Variants in OR2B11 observed in about 807,000 individuals in gnomAD.
OR2B11 encodes the protein olfactory receptor 2B11.
For missense variants in OR2B11, 422 were observed against 400.0 expected, an observed-to-expected ratio of 1.05 and a Z score of -0.47; for synonymous variants, 198 against 174.5, an observed-to-expected ratio of 1.13 and a Z score of -1.06.
rs1170023757 is a variant in OR2B11, at chr1:247,450,454, G to A, written c.*575C>T. The A allele has an allele frequency of 1.3e-5, 2 of 152,148 alleles. No homozygotes were observed. Among genetic ancestry groups the A allele is most frequent in the South Asian group, 2.1e-4 (1 of 4,834 alleles). 9.4% of individuals were successfully genotyped at this position (152,148 alleles called of 1,614,324 possible). ...TTAAGGATCCACAATGTTTTCCATC[G>A]TGGTTGTACTAGTGTTTGTACTAGT... On this transcript the variant is annotated 3_prime_UTR_variant, in exon 2 of 2. Coordinates refer to ENST00000641149, the MANE Select transcript of OR2B11 (RefSeq NM_001004492.2).
chr1:247,457,229 T>C (rs1279002180), intron 1 of OR2B11, among the ~76,000 whole-genome samples: 1 of 152,124 alleles, frequency 6.6e-6, no homozygotes, highest in Non-Finnish European at 1.5e-5. Flanking sequence ...CGGGGACTGA[T>C]ACGATTCAGC....
At position 247,451,940 on chromosome 1, in the gene OR2B11, C is replaced by T. The variant is rs1664858189; in HGVS notation, c.43G>A (p.Ala15Thr). The T allele has an allele frequency of 1.3e-6, 2 of 1,595,864 alleles. No individual in the cohort carries two copies. Among genetic ancestry groups the T allele is most frequent in the African/African-American group, 2.8e-5 (2 of 71,768 alleles). Reference protein sequence around the residue: ...NHSFLGDSPKAFILLGVSDRP... With the variant: ...NHSFLGDSPKTFILLGVSDRP... ...TCAGACACACCCAGAAGGATGAAGG[C>T]TTTAGGGGAGTCCCCTAAGAAGCTA... is the stretch of plus-strand genomic sequence containing the variant. The change falls in exon 2 of 2, where the codon GCC becomes ACC. Residue 15 changes from alanine to threonine, a missense_variant. Ala to Thr is a moderately conservative substitution (Grantham distance 58, BLOSUM62 0). Transcript: ENST00000641149.
At position 247,452,131 on chromosome 1, in the gene OR2B11, CGCTG is replaced by C; in HGVS notation, c.-153_-150del. ...TTGATTCTCCTTACCTCTGTGGAGA[CGCTG>C]GGATGCGGAAGGGTCAGAACCAGGA... On this transcript the variant is annotated 5_prime_UTR_variant, in exon 2 of 2. Coordinates refer to ENST00000641149, the MANE Select transcript of OR2B11 (RefSeq NM_001004492.2). The C allele has an allele frequency of 3.3e-6, 2 of 613,772 alleles. No individual in the cohort carries two copies. Among genetic ancestry groups the C allele is most frequent in the East Asian group, 5.5e-5 (2 of 36,176 alleles). The allele number at this position is 613,772 out of a possible 1,614,324, so 38.0% of individuals were successfully genotyped here. A position where few individuals can be genotyped will look rare whatever the true frequency, so the allele number is the denominator to read the frequency against.
At chr1:247,456,679 T>C (rs1221257568) in intron 1 of OR2B11, among the ~76,000 whole-genome samples, 1 of 151,872 alleles carries the variant, frequency 6.6e-6, no homozygotes, top group Non-Finnish European at 1.5e-5. Context: ...GTTACACAGG[T>C]ATACACGTGC....
In OR2B11 at chr1:247,452,176, TC is replaced by T. The variant is rs1664863947; in HGVS notation, c.-195del. The stretch of plus-strand genomic sequence containing the variant: ...AGAACCAGGAGCCCCAGTAGCAGCC[TC>T]TGTGTCTTTGCTCTCCTTCCTACTC... On this transcript the variant is annotated 5_prime_UTR_variant, in exon 2 of 2. Coordinates refer to ENST00000641149, the MANE Select transcript of OR2B11 (RefSeq NM_001004492.2). The T allele has an allele frequency of 1.7e-6, 1 of 574,414 alleles. No individual in the cohort carries two copies. Among genetic ancestry groups the T allele is most frequent in the East Asian group, 2.8e-5 (1 of 35,126 alleles). The allele number at this position is 574,414 out of a possible 1,614,324, so 35.6% of individuals were successfully genotyped here.
rs1218839563 is a variant in OR2B11, at chr1:247,449,714, CT to C, written c.*1314del. On this transcript the variant is annotated 3_prime_UTR_variant, in exon 2 of 2. Transcript: ENST00000641149. ...AGGGAAACAGTATGAGATTTACATT[CT>C]GTTGCAAACTCTGTCTTGTTAGCAC... The C allele has an allele frequency of 6.6e-6, 1 of 152,034 alleles. No individual in the cohort carries two copies. The allele number at this position is 152,034 out of a possible 1,614,324, so 9.4% of individuals were successfully genotyped here. A position where few individuals can be genotyped will look rare whatever the true frequency, so the allele number is the denominator to read the frequency against.
At chr1:247,455,718 A>G (rs544449646) in intron 1 of OR2B11, among the ~76,000 whole-genome samples, 1 of 152,228 alleles carries the variant, frequency 6.6e-6, no homozygotes, top group Admixed American at 6.5e-5. Context: ...CTGTGCATGC[A>G]CAGTCCTTTC....
In OR2B11 at chr1:247,455,080, T is replaced by C. The variant is rs1440908404; in HGVS notation, c.-3082-16A>G. ...ATATCATTCCCTGTAGGATATATAA[T>C]CCTTATGATTAATATTTATATCTCT... On this transcript the variant is annotated splice_polypyrimidine_tract_variant and intron_variant, in intron 1 of 1. Transcript: ENST00000641149. 6.6e-6 allele frequency: 1 copy of C among 152,286 alleles called. No individual in the cohort carries two copies. The highest frequency in any genetic ancestry group is 6.5e-5 in the Admixed American group (1 of 15,296). The allele number at this position is 152,286 out of a possible 1,614,324, so 9.4% of individuals were successfully genotyped here. A position where few individuals can be genotyped will look rare whatever the true frequency, so the allele number is the denominator to read the frequency against.
chr1:247,456,836 A>G (rs987038599), intron 1 of OR2B11, among the ~76,000 whole-genome samples: 2 of 152,146 alleles, frequency 1.3e-5, no homozygotes, highest in Non-Finnish European at 2.9e-5. Context: ...TTCAAGTCCC[A>G]CTAATGAGAA....
rs1664828365 is a variant in OR2B11, at chr1:247,450,978, G to A, written c.*51C>T. On this transcript the variant is annotated 3_prime_UTR_variant, in exon 2 of 2. Coordinates refer to ENST00000641149, the MANE Select transcript of OR2B11 (RefSeq NM_001004492.2). The stretch of plus-strand genomic sequence containing the variant: ...TGAAAGATGCTCTGAGTGCACAATA[G>A]ACTTGTGCTGTGTTCTTTAATTGAT... 1.8e-6 allele frequency: 2 copies of A among 1,121,800 alleles called. No homozygotes were observed. The highest frequency in any genetic ancestry group is 2.0e-5 in the South Asian group (1 of 48,872). The allele number at this position is 1,121,800 out of a possible 1,614,324, so 69.5% of individuals were successfully genotyped here.
Position 247,449,507 on chromosome 1 carries a change from G to A in OR2B11, c.*1522C>T. On this transcript the variant is annotated 3_prime_UTR_variant, in exon 2 of 2. Coordinates refer to ENST00000641149, the MANE Select transcript of OR2B11 (RefSeq NM_001004492.2). The stretch of plus-strand genomic sequence containing the variant: ...CTCTTAAACCGCATGGAATTGCTCA[G>A]GATGGAAATACTATTTCCTCTGTAC... 1 of 152,180 alleles carries A rather than the reference G, an allele frequency of 6.6e-6. No homozygotes were observed. Among genetic ancestry groups the A allele is most frequent in the East Asian group, 1.9e-4 (1 of 5,204 alleles). 9.4% of individuals were successfully genotyped at this position (152,180 alleles called of 1,614,324 possible). A position where few individuals can be genotyped will look rare whatever the true frequency, so the allele number is the denominator to read the frequency against.
chr1:247,450,875 G>A lies in OR2B11; in HGVS notation c.*154C>T, dbSNP rs1215591401. On this transcript the variant is annotated 3_prime_UTR_variant, in exon 2 of 2. Coordinates refer to ENST00000641149, the MANE Select transcript of OR2B11 (RefSeq NM_001004492.2). ...CGTTTAAAATGAACTTTGTCGCTAT[G>A]GGATTTGGGGCATTATAACAGGAAG... The A allele has an allele frequency of 8.4e-6, 4 of 474,208 alleles. No individual in the cohort carries two copies. In the Admixed American group the frequency reaches 1.2e-4, roughly 14 times the overall value. 29.4% of individuals were successfully genotyped at this position (474,208 alleles called of 1,614,324 possible). A position where few individuals can be genotyped will look rare whatever the true frequency, so the allele number is the denominator to read the frequency against.
At position 247,453,050 on chromosome 1, in the gene OR2B11, T is replaced by C. The variant is rs184936422; in HGVS notation, c.-1068A>G. On this transcript the variant is annotated 5_prime_UTR_variant, in exon 2 of 2. Coordinates refer to ENST00000641149, the MANE Select transcript of OR2B11 (RefSeq NM_001004492.2). ...TCACCTCCTACAATCGCTCAAGCAT[T>C]GCACACCTTCCAGTTCCTGATGGGG... 1 of 152,362 alleles carries C rather than the reference T, an allele frequency of 6.6e-6. No homozygotes were observed. Among genetic ancestry groups the C allele is most frequent in the East Asian group, 1.9e-4 (1 of 5,186 alleles). 9.4% of individuals were successfully genotyped at this position (152,362 alleles called of 1,614,324 possible). A position where few individuals can be genotyped will look rare whatever the true frequency, so the allele number is the denominator to read the frequency against.
rs374651468 is a variant in OR2B11 at position 247,451,326 on chromosome 1, A to C, written c.657T>G (p.Leu219=). Residue 219 remains leucine, a synonymous_variant, in exon 2 of 2, where the codon CTT becomes CTG. Coordinates refer to ENST00000641149, the MANE Select transcript of OR2B11 (RefSeq NM_001004492.2). ...FFVLVPLALI[L]LSYGFIARAV... ...CCCGGGCAATAAAGCCATAGGAGAG[A>C]AGGATGAGAGCCAGGGGCACCAACA... The C allele has an allele frequency of 3.1e-6, 5 of 1,614,098 alleles. No individual in the cohort carries two copies. Among genetic ancestry groups the C allele is most frequent in the Non-Finnish European group, 4.2e-6 (5 of 1,180,024 alleles).
At position 247,451,611 on chromosome 1, in the gene OR2B11, C is replaced by T. The variant is rs777093363; in HGVS notation, c.372G>A (p.Leu124=). Residue 124 remains leucine, a synonymous_variant, in exon 2 of 2, where the codon CTG becomes CTA. Transcript: ENST00000641149. The stretch of plus-strand genomic sequence containing the variant: ...GCTTGCAGATGGCCACGTAGCGGTC[C>T]AGGGCCATGGCGGCCAGGACGATGC... The part of the protein sequence containing the change: ...TECIVLAAMA[L]DRYVAICKPL... 7 of 1,613,844 alleles carry T rather than the reference C, an allele frequency of 4.3e-6. No individual in the cohort carries two copies. The highest frequency in any genetic ancestry group is 5.9e-6 in the Non-Finnish European group (7 of 1,179,938).
In OR2B11 at chr1:247,451,711, C is replaced by CA; in HGVS notation, c.271_272insT (p.Ser91MetfsTer94). ...TCCATAGCTGATGGTCTTCTGGGAA[C>CA]TGCCCATGTTGACCAGCATCTGAGG... On this transcript the variant is annotated frameshift_variant, in exon 2 of 2. Coordinates refer to ENST00000641149, the MANE Select transcript of OR2B11 (RefSeq NM_001004492.2). LOFTEE classifies it low-confidence loss of function (END_TRUNC). 6.2e-7 allele frequency: 1 copy of CA among 1,614,154 alleles called. No individual in the cohort carries two copies. The highest frequency in any genetic ancestry group is 2.2e-5 in the East Asian group (1 of 44,878).
At chr1:247,455,614 AG>A (rs1664950543) in intron 1 of OR2B11, among the ~76,000 whole-genome samples, 1 of 152,190 alleles carries the variant, frequency 6.6e-6, no homozygotes, top group Non-Finnish European at 1.5e-5. Context: ...TAGCTGGCAC[AG>A]GGGCTTGAGA....
At position 247,454,866 on chromosome 1, in the gene OR2B11, A is replaced by G. The variant is rs938431469; in HGVS notation, c.-2884T>C. 10 of 152,124 alleles carry G rather than the reference A, an allele frequency of 6.6e-5. No homozygotes were observed. Among genetic ancestry groups the G allele is most frequent in the Non-Finnish European group, 1.3e-4 (9 of 68,036 alleles). 9.4% of individuals were successfully genotyped at this position (152,124 alleles called of 1,614,324 possible). ...CCCTCACTCACCCTCACACGAAGTCATCTTTCTGAGACTCAGGCCTTAAGG... is the reference window on the plus strand; with the variant it reads ...CCCTCACTCACCCTCACACGAAGTCGTCTTTCTGAGACTCAGGCCTTAAGG... On this transcript the variant is annotated 5_prime_UTR_variant, in exon 2 of 2. An upstream start codon of the reference 5' UTR is lost. Coordinates refer to ENST00000641149, the MANE Select transcript of OR2B11 (RefSeq NM_001004492.2).
rs775075686 is a variant in OR2B11 at position 247,451,607 on chromosome 1, G to A, written c.376C>T (p.Arg126Cys). The change falls in exon 2 of 2, where the codon CGC becomes TGC. Residue 126 changes from arginine to cysteine, a missense_variant. Arg to Cys is a radical substitution (Grantham distance 180). Coordinates refer to ENST00000641149, the MANE Select transcript of OR2B11 (RefSeq NM_001004492.2). ...AGGGGCTTGCAGATGGCCACGTAGC[G>A]GTCCAGGGCCATGGCGGCCAGGACG... ...CIVLAAMALD[R>C]YVAICKPLHY... 40 of 1,613,760 alleles carry A rather than the reference G, an allele frequency of 2.5e-5. No homozygotes were observed. Among genetic ancestry groups the A allele is most frequent in the Middle Eastern group, 1.6e-4 (1 of 6,062 alleles).
Sources: gnomAD v4.1 joint callset for allele counts (sites outside exome capture counted in the v4.1 genomes callset) on GRCh38, gnomAD v4.1.1 for gene constraint, MANE v1.5 for transcripts, NCBI Gene and HGNC (gene_info 2026-07-23, HGNC 2026-07-21) for gene names.